Variants in CASP1 observed in about 807,000 individuals in gnomAD.
CASP1 encodes the protein caspase-1.
A neutral mutation model predicts 41.2 loss-of-function variants in CASP1; 31 were observed. The ratio of observed to expected loss-of-function variants is 0.75; its 90% confidence interval spans 0.57 to 1.02. CASP1 has a LOEUF of 1.02. Among genes scored for constraint, CASP1 ranks in the 50% least tolerant of loss-of-function variants. The pLI is 0.00. For missense variants in CASP1, 490 were observed against 495.7 expected (o/e 0.99, Z 0.11); for synonymous variants, 163 against 166.5 (o/e 0.98, Z 0.16).
chr11:105,029,042 G>C (rs1467916662), intron 7 of CASP1, 82 bp downstream of exon 7: 2 of 1,324,804 alleles, frequency 1.5e-6, no homozygotes, highest in Non-Finnish European at 2.1e-6. Flanking sequence ...GTCTTGAGTT[G>C]TTAATCACCA....
chr11:105,026,048 A>T lies in CASP1; in HGVS notation c.*210T>A. The T allele has an allele frequency of 2.3e-6, 1 of 435,316 alleles. No homozygotes were observed. The allele number at this position is 435,316 out of a possible 1,614,324, so 27.0% of individuals were successfully genotyped here. A position where few individuals can be genotyped will look rare whatever the true frequency, so the allele number is the denominator to read the frequency against. ...AAAAACCTATAATTTGAAATGTTTC[A>T]ATAAACATTTCCTTTGAATATCATG... On this transcript the variant is annotated 3_prime_UTR_variant, in exon 9 of 9. Transcript: ENST00000533400.
chr11:105,036,461 C>T (rs140852656), upstream of CASP1, among the ~76,000 whole-genome samples: 382 of 152,256 alleles, frequency 2.5e-3, 3 homozygotes, highest in African/African-American at 8.6e-3. Context: ...TAATAATCCT[C>T]ATGTGTTATG....
In CASP1 at chr11:105,029,280, A is replaced by G; in HGVS notation, c.863-13T>C. ...ACACCAGGGCTGTCTGGAAAGACACAGTTTGATTTGTTACTACTACCAATG... is the reference window on the plus strand; with the variant it reads ...ACACCAGGGCTGTCTGGAAAGACACGGTTTGATTTGTTACTACTACCAATG... On this transcript the variant is annotated splice_polypyrimidine_tract_variant and intron_variant, in intron 6 of 8. Transcript: ENST00000533400. 6.2e-7 allele frequency: 1 copy of G among 1,606,934 alleles called. No homozygotes were observed. Among genetic ancestry groups the G allele is most frequent in the South Asian group, 1.1e-5 (1 of 89,974 alleles).
Position 105,026,341 on chromosome 11 carries a change from C to G in CASP1, c.1132G>C (p.Glu378Gln), listed in dbSNP as rs1434255685. ...EIFRKVRFSF[E>Q]QPDGRAQMPT... is the part of the protein sequence containing the mutation. The stretch of plus-strand genomic sequence containing the variant: ...ATCTGCGCTCTACCATCTGGCTGCT[C>G]AAATGAAAATCGAACCTAAAAGAGT... Residue 378 changes from glutamate (E) to glutamine (Q), a missense_variant, in exon 9 of 9, where the codon GAG becomes CAG. Glu to Gln is a conservative substitution (Grantham distance 29, BLOSUM62 2). Coordinates refer to ENST00000533400, the MANE Select transcript of CASP1 (RefSeq NM_001257118.3). The G allele has an allele frequency of 1.2e-6, 2 of 1,608,354 alleles. No homozygotes were observed. The highest frequency in any genetic ancestry group is 1.7e-6 in the Non-Finnish European group (2 of 1,176,060).
chr11:105,026,210 G>C lies in CASP1; in HGVS notation c.*48C>G, dbSNP rs148707413. ...CTTTCCTCAACCTTCCCACACTCCC[G>C]ACCATACACATGTACCTGCCCACAG... On this transcript the variant is annotated 3_prime_UTR_variant, in exon 9 of 9. Transcript: ENST00000533400. 1 of 1,227,014 alleles carries C rather than the reference G, an allele frequency of 8.1e-7. No individual in the cohort carries two copies. Among genetic ancestry groups the C allele is most frequent in the Non-Finnish European group, 1.2e-6 (1 of 830,362 alleles). The allele number at this position is 1,227,014 out of a possible 1,614,324, so 76.0% of individuals were successfully genotyped here.
At chr11:105,035,796 T>C (rs1358884393), upstream of CASP1, among the ~76,000 whole-genome samples, 1 of 151,978 alleles carries the variant, frequency 6.6e-6, no homozygotes, top group Non-Finnish European at 1.5e-5. Flanking sequence ...TTGTATCTCT[T>C]GTAAAGACAG....
chr11:105,025,459 C>G (rs569944555), downstream of CASP1: 6 of 391,634 alleles, frequency 1.5e-5, no homozygotes, highest in Admixed American at 1.1e-4. Flanking sequence ...CTTAGTCACT[C>G]TAAGTTCCAG....
Position 105,029,895 on chromosome 11 carries a change from A to G in CASP1, c.632T>C (p.Met211Thr), listed in dbSNP as rs766419133. 3.1e-6 allele frequency: 5 copies of G among 1,609,492 alleles called. No individual in the cohort carries two copies. The highest frequency in any genetic ancestry group is 4.3e-6 in the Non-Finnish European group (5 of 1,175,970). ...TGCAAATGCCTCCAGCTCTGTAGTCATGTCCTGAAAGACACCATATCACTG... is the reference window on the plus strand; with the variant it reads ...TGCAAATGCCTCCAGCTCTGTAGTCGTGTCCTGAAAGACACCATATCACTG... ...DVKKNLTASD[M>T]TTELEAFAHR... The change falls in exon 6 of 9, where the codon ATG becomes ACG. Residue 211 changes from methionine to threonine, a missense_variant. Transcript: ENST00000533400.
At chr11:105,026,463 AC>A (rs1327007359) in intron 8 of CASP1, 107 bp from the exon 9 acceptor site, 4 of 696,428 alleles carry the variant, frequency 5.7e-6, no homozygotes, top group Non-Finnish European at 1.0e-5. Context: ...AAAATAAGTG[AC>A]AAAAACAAAA....
Position 105,029,285 on chromosome 11 carries a change from G to C in CASP1, c.863-18C>G, listed in dbSNP as rs752454831. 3.1e-6 allele frequency: 5 copies of C among 1,604,446 alleles called. 1 individual carries two copies. The South Asian group carries it at 5.6e-5, about 18-fold the overall frequency. Reference sequence around the variant, plus strand: ...AGGGCTGTCTGGAAAGACACAGTTTGATTTGTTACTACTACCAATGGCTGA... The same window carrying C: ...AGGGCTGTCTGGAAAGACACAGTTTCATTTGTTACTACTACCAATGGCTGA... On this transcript the variant is annotated intron_variant, in intron 6 of 8. Coordinates refer to ENST00000533400, the MANE Select transcript of CASP1 (RefSeq NM_001257118.3).
intron 6 of CASP1, 27 bp downstream of exon 6, chr11:105,029,638 G>A: frequency 6.7e-7 from 1 of 1,501,268 alleles, no homozygotes; most frequent in Non-Finnish European, 9.3e-7. Flanking sequence ...TTGATTGTCT[G>A]GTGTTCTCAA....
rs1430495881 is a variant in CASP1, at chr11:105,026,037, T to C, written c.*221A>G. 5 of 420,864 alleles carry C rather than the reference T, an allele frequency of 1.2e-5. No individual in the cohort carries two copies. The highest frequency in any genetic ancestry group is 1.0e-4 in the African/African-American group (5 of 49,384). The allele number at this position is 420,864 out of a possible 1,614,324, so 26.1% of individuals were successfully genotyped here. On this transcript the variant is annotated 3_prime_UTR_variant, in exon 9 of 9. Transcript: ENST00000533400. ...ATCCCTAATCCAAAAACCTATAATT[T>C]GAAATGTTTCAATAAACATTTCCTT...
chr11:105,036,462 A>G (rs1405372328), upstream of CASP1, among the ~76,000 whole-genome samples: 1 of 151,996 alleles, frequency 6.6e-6, no homozygotes, highest in Non-Finnish European at 1.5e-5. Flanking sequence ...AATAATCCTC[A>G]TGTGTTATGG....
chr11:105,035,218 A>G, upstream of CASP1: 1 of 1,378,412 alleles, frequency 7.3e-7, no homozygotes, highest in Non-Finnish European at 1.0e-6. Flanking sequence ...CTGTGCATGC[A>G]TATGCATGTC....
In CASP1 at chr11:105,034,392, T is replaced by C; in HGVS notation, c.90A>G (p.Leu30=). Reference sequence around the variant, plus strand: ...CTTCCTTGTTCAGCACCCTTGTCTGTAATAATTCATCCAGTAAGCCATTTA... The same window carrying C: ...CTTCCTTGTTCAGCACCCTTGTCTGCAATAATTCATCCAGTAAGCCATTTA... ...GTINGLLDEL[L]QTRVLNKEEM... Residue 30 remains leucine, a synonymous_variant, in exon 2 of 9, where the codon TTA becomes TTG. Coordinates refer to ENST00000533400, the MANE Select transcript of CASP1 (RefSeq NM_001257118.3). 2 of 1,614,192 alleles carry C rather than the reference T, an allele frequency of 1.2e-6. No individual in the cohort carries two copies. Among genetic ancestry groups the C allele is most frequent in the Non-Finnish European group, 1.7e-6 (2 of 1,180,008 alleles).
At chr11:105,033,507 G>A (rs1012833529) in intron 2 of CASP1, among the ~76,000 whole-genome samples, 1 of 152,182 alleles carries the variant, frequency 6.6e-6, no homozygotes. Flanking sequence ...TCCTCACCAC[G>A]TGGTAGGTCC....
At chr11:105,035,962 T>C (rs957426365), upstream of CASP1, among the ~76,000 whole-genome samples, 37 of 152,148 alleles carry the variant, frequency 2.4e-4, no homozygotes, top group Non-Finnish European at 8.8e-5. Context: ...GCCCAGAGCA[T>C]AGGCTCTGGA....
rs768692958 is a variant in CASP1 at position 105,026,924 on chromosome 11, A to T, written c.1034T>A (p.Met345Lys). Reference sequence around the variant, plus strand: ...GAGTCTTCCAATAAAAACAGAGCCCATTGTGGGATGTCTCCAAGAAACATT... The same window carrying T: ...GAGTCTTCCAATAAAAACAGAGCCCTTTGTGGGATGTCTCCAAGAAACATT... ...PDNVSWRHPT[M>K]GSVFIGRLIE... Residue 345 changes from methionine to lysine, a missense_variant, in exon 8 of 9, where the codon ATG (methionine) becomes AAG (lysine). Met to Lys is a moderately conservative substitution (Grantham distance 95, BLOSUM62 -1). Transcript: ENST00000533400. 1.9e-6 allele frequency: 3 copies of T among 1,601,286 alleles called. No individual in the cohort carries two copies. Among genetic ancestry groups the T allele is most frequent in the Admixed American group, 1.7e-5 (1 of 59,872 alleles).
chr11:105,034,143 G>A, intron 2 of CASP1, 65 bp downstream of exon 2: 1 of 1,612,336 alleles, frequency 6.2e-7, no homozygotes, highest in Non-Finnish European at 8.5e-7. Flanking sequence ...GACTAGTAAA[G>A]AAATCAAATG....
Sources: allele counts gnomAD v4.1 joint callset (sites outside exome capture counted in the v4.1 genomes callset), GRCh38; gene constraint gnomAD v4.1.1; transcripts MANE v1.5; gene names NCBI Gene and HGNC (gene_info 2026-07-23, HGNC 2026-07-21).